Variants in MYO9B observed in about 807,000 individuals in gnomAD.
MYO9B encodes myosin IXB.
Under a neutral mutation model 229.5 loss-of-function variants are expected in MYO9B, and 71 were observed. That is an observed-to-expected ratio of 0.31 (90% CI 0.26 to 0.38). The LOEUF is 0.38. Ranked by LOEUF, MYO9B falls within the 10% of genes least tolerant of loss-of-function variation. The pLI is 1.00. For missense variants in MYO9B, 2,255 were observed against 2,920.5 expected, an observed-to-expected ratio of 0.77 and a Z score of 5.25; for synonymous variants, 1,185 against 1,235.8, an observed-to-expected ratio of 0.96 and a Z score of 0.86.
intron 1 of MYO9B, among the ~76,000 whole-genome samples, chr19:17,081,742 G>GA (rs1318217761): frequency 6.7e-6 from 1 of 149,978 alleles, no homozygotes; most frequent in African/African-American, 2.5e-5. Flanking sequence ...CCAGGAGGCA[G>GA]AGGTTGCAGT....
intron 2 of MYO9B, among the ~76,000 whole-genome samples, chr19:17,126,365 C>T (rs372392500): frequency 2.6e-5 from 4 of 152,182 alleles, no homozygotes; most frequent in African/African-American, 9.7e-5. Flanking sequence ...CACCTCCTGC[C>T]GACCCATCCT....
At chr19:17,085,574 A>G (rs533385888) in intron 1 of MYO9B, among the ~76,000 whole-genome samples, 2 of 152,204 alleles carry the variant, frequency 1.3e-5, no homozygotes, top group African/African-American at 4.8e-5. Context: ...CTGTAATTCC[A>G]GCTCTTTGGG....
At chr19:17,118,360 G>A (rs1348692142) in intron 2 of MYO9B, among the ~76,000 whole-genome samples, 1 of 151,654 alleles carries the variant, frequency 6.6e-6, no homozygotes, top group Admixed American at 6.6e-5. Context: ...CCGGCACTTT[G>A]GCAGGCTGAG....
At chr19:17,131,291 C>T (rs1291675889) in intron 2 of MYO9B, among the ~76,000 whole-genome samples, 3 of 152,186 alleles carry the variant, frequency 2.0e-5, no homozygotes, top group Non-Finnish European at 4.4e-5. Flanking sequence ...TTTTTTGAGA[C>T]GGAGTCTCGC....
chr19:17,081,759 T>G (rs2057535432), intron 1 of MYO9B, among the ~76,000 whole-genome samples: 1 of 144,096 alleles, frequency 6.9e-6, no homozygotes, highest in South Asian at 2.2e-4. Flanking sequence ...CAGTGAGCCG[T>G]GATCTTGTGC....
chr19:17,133,362 C>T (rs7258101), intron 2 of MYO9B, among the ~76,000 whole-genome samples: 115,924 of 152,090 alleles, frequency 0.76, 45,270 homozygotes, highest in African/African-American at 0.94. Flanking sequence ...TACAATAGAT[C>T]GCTTGAATTT....
chr19:17,082,357 G>A (rs1243215238), intron 1 of MYO9B, among the ~76,000 whole-genome samples: 1 of 152,146 alleles, frequency 6.6e-6, no homozygotes, highest in Non-Finnish European at 1.5e-5. Context: ...CCAGTCAGCC[G>A]TGCCCTGGGT....
At chr19:17,106,854 A>G (rs1189828523) in intron 2 of MYO9B, among the ~76,000 whole-genome samples, 4 of 152,170 alleles carry the variant, frequency 2.6e-5, no homozygotes, top group African/African-American at 9.7e-5. Flanking sequence ...CCTGAGGTCA[A>G]GAGTTCGAGA....
intron 8 of MYO9B, among the ~76,000 whole-genome samples, chr19:17,161,706 C>T (rs549297860): frequency 6.6e-6 from 1 of 152,160 alleles, no homozygotes; most frequent in Admixed American, 6.6e-5. Flanking sequence ...ATCCCAGCTA[C>T]TCAGAAGGCT....
Position 17,114,285 on chromosome 19 carries a change from G to C in MYO9B, c.840+11728G>C, listed in dbSNP as rs117780467. ...GTTACACATCAACCCGACCAAATTC[G>C]GCACGATTGTGGAGTGGCTGTTGGG... On this transcript the variant is annotated intron_variant, in intron 2 of 39. Transcript: ENST00000682292. Among the ~76,000 whole-genome samples, 5 of 152,176 alleles carry C rather than the reference G, an allele frequency of 3.3e-5. No individual in the cohort carries two copies. The East Asian group carries it at 5.8e-4, about 18-fold the overall frequency.
At chr19:17,191,940 G>A (rs1360835710) in intron 20 of MYO9B, among the ~76,000 whole-genome samples, 5 of 148,278 alleles carry the variant, frequency 3.4e-5, no homozygotes, top group Admixed American at 6.8e-5. Context: ...CTGGGTGACC[G>A]AGCGAGATCT....
At chr19:17,180,779 A>C in intron 14 of MYO9B, 148 bp from the exon 15 acceptor site, 1 of 582,868 alleles carries the variant, frequency 1.7e-6, no homozygotes, top group Non-Finnish European at 3.0e-6. Context: ...GAGGGGCAGC[A>C]TTGAGCACAG....
chr19:17,195,536 G>T lies in MYO9B; in HGVS notation c.4046+63G>T, dbSNP rs1050994623. On this transcript the variant is annotated intron_variant, in intron 22 of 39. Coordinates refer to ENST00000682292, the MANE Select transcript of MYO9B (RefSeq NM_004145.4). The surrounding 1 kb of genome is among the most constrained non-coding windows in gnomAD (Gnocchi z 4.5). ...CCAGGCCAGGTGGGCAAGGCCAGGG[G>T]CAGTGCCACACATCCTGGAAACACA... The T allele has an allele frequency of 6.9e-5, 106 of 1,525,930 alleles. No individual in the cohort carries two copies. The highest frequency in any genetic ancestry group is 8.9e-5 in the Non-Finnish European group (101 of 1,138,548). The allele number at this position is 1,525,930 out of a possible 1,614,324, so 94.5% of individuals were successfully genotyped here.
chr19:17,172,875 C>T lies in MYO9B; in HGVS notation c.2052C>T (p.Arg684=), dbSNP rs370241420. Residue 684 remains arginine, a synonymous_variant, in exon 13 of 40, where the codon CGC becomes CGT. Coordinates refer to ENST00000682292, the MANE Select transcript of MYO9B (RefSeq NM_004145.4). This position sits in a 1 kb window ranked among gnomAD's most constrained non-coding sequence, Gnocchi z 8.2. ...LIGMDPVAVF[R]WAVLRAAIRA... ...GCATGGACCCCGTGGCCGTGTTCCG[C>T]TGGGCCGTGCTCCGGGCTGCTATCC... 2.6e-5 allele frequency: 42 copies of T among 1,606,120 alleles called. No individual in the cohort carries two copies. The highest frequency in any genetic ancestry group is 3.5e-5 in the Non-Finnish European group (41 of 1,179,768).
At chr19:17,183,732 C>G (rs1041486050) in intron 15 of MYO9B, 97 bp from the exon 16 acceptor site, 5 of 1,027,208 alleles carry the variant, frequency 4.9e-6, no homozygotes, top group Middle Eastern at 2.1e-4. Context: ...CTCTCTGTGT[C>G]TCTCAGTCTA....
intron 38 of MYO9B, among the ~76,000 whole-genome samples, 198 bp downstream of exon 38, chr19:17,211,046 CTA>C (rs1260321306): frequency 1.5e-5 from 2 of 131,946 alleles, no homozygotes; most frequent in Non-Finnish European, 3.0e-5. Context: ...TGCAGTGGTG[CTA>C]TCTCGGCTCA....
Position 17,197,411 on chromosome 19 carries a change from G to GATAGATAGATAC in MYO9B, c.4047-370_4047-369insCATAGATAGATA, listed in dbSNP as rs1269464855. On this transcript the variant is annotated intron_variant, in intron 22 of 39. Coordinates refer to ENST00000682292, the MANE Select transcript of MYO9B (RefSeq NM_004145.4). ...TGGATGGATGGATAGATAGATGATA[G>GATAGATAGATAC]ATAGATAGATAGATAGATAGATAGA... Among the ~76,000 whole-genome samples, 159 of 58,234 alleles carry GATAGATAGATAC rather than the reference G, an allele frequency of 2.7e-3. 1 individual carries two copies. Among genetic ancestry groups the GATAGATAGATAC allele is most frequent in the African/African-American group, 7.8e-3 (158 of 20,164 alleles). 38.2% of individuals were successfully genotyped at this position (58,234 alleles called of 152,430 possible). A position where few individuals can be genotyped will look rare whatever the true frequency, so the allele number is the denominator to read the frequency against.
intron 2 of MYO9B, among the ~76,000 whole-genome samples, chr19:17,121,986 CAA>C (rs78785498): frequency 2.0e-4 from 27 of 133,182 alleles, no homozygotes; most frequent in Admixed American, 2.3e-4. Context: ...AACCCTGTCT[CAA>C]AAAAAAAAAA....
chr19:17,096,872 A>AT (rs2057697869), intron 1 of MYO9B, among the ~76,000 whole-genome samples: 1 of 147,460 alleles, frequency 6.8e-6, no homozygotes, highest in Admixed American at 6.8e-5. Flanking sequence ...CGCCCAGCTA[A>AT]TTTTTTGTAT....
Sources: gnomAD v4.1 joint callset for allele counts (sites outside exome capture counted in the v4.1 genomes callset) on GRCh38, gnomAD v4.1.1 for gene constraint, Gnocchi (gnomAD v3.1) non-coding constraint, MANE v1.5 for transcripts, NCBI Gene and HGNC (gene_info 2026-07-23, HGNC 2026-07-21) for gene names.